The following TMCC1 variants were observed in gnomAD, a reference collection of about 807,000 sequenced individuals.
TMCC1 encodes transmembrane and coiled-coil domain family 1, also known as transmembrane and coiled-coil domains protein 1.
TMCC1 carries 15 observed loss-of-function variants against 52.4 expected under a neutral mutation model. The observed-to-expected ratio is 0.29, with a 90% confidence interval of 0.19 to 0.44. The LOEUF (loss-of-function observed/expected upper bound fraction) is 0.44, where lower values mean the gene tolerates loss of function less well. Ranked by LOEUF, TMCC1 falls within the 20% of genes least tolerant of loss-of-function variation. The pLI, the probability that TMCC1 is intolerant of heterozygous loss-of-function variation, is 1.00. For missense variants in TMCC1, 503 were observed against 806.0 expected, an observed-to-expected ratio of 0.62 and a Z score of 4.55; for synonymous variants, 279 against 301.9, an observed-to-expected ratio of 0.92 and a Z score of 0.79.
intron 4 of TMCC1, among the ~76,000 whole-genome samples, chr3:129,754,566 A>G (rs1475313351): frequency 2.0e-5 from 3 of 152,230 alleles, no homozygotes; most frequent in African/African-American, 7.2e-5. Context: ...CTTCACAAAT[A>G]TAGCCAACTG....
chr3:129,794,091 C>T (rs935591551), intron 4 of TMCC1, among the ~76,000 whole-genome samples: 6 of 152,204 alleles, frequency 3.9e-5, no homozygotes, highest in African/African-American at 1.4e-4. Flanking sequence ...CAACTTTGCC[C>T]AAATTCAGAT....
intron 4 of TMCC1, among the ~76,000 whole-genome samples, chr3:129,790,521 A>C (rs2056381213): frequency 1.3e-5 from 2 of 152,214 alleles, no homozygotes; most frequent in Non-Finnish European, 2.9e-5. Context: ...ATAATATTTT[A>C]CTGAGATAAT....
At chr3:129,887,322 T>C (rs2061754631) in intron 1 of TMCC1, among the ~76,000 whole-genome samples, 1 of 151,442 alleles carries the variant, frequency 6.6e-6, no homozygotes, top group Admixed American at 6.6e-5. Context: ...GGAGGGCGGA[T>C]CATGAGGTCA....
In TMCC1 at chr3:129,828,137, A is replaced by G. The variant is rs779705435; in HGVS notation, c.242T>C (p.Met81Thr). The G allele has an allele frequency of 3.1e-6, 5 of 1,614,014 alleles. No homozygotes were observed. The highest frequency in any genetic ancestry group is 4.2e-6 in the Non-Finnish European group (5 of 1,180,028). ...QQIQADPEPE[M>T]DLESQNACAE... Reference sequence around the variant, plus strand: ...ACATGCGTTCTGGCTTTCCAGATCCATTTCAGGTTCTGGATCTGCCTGAAT... The same window carrying G: ...ACATGCGTTCTGGCTTTCCAGATCCGTTTCAGGTTCTGGATCTGCCTGAAT... Residue 81 changes from methionine to threonine, a missense_variant, in exon 4 of 7, where the codon ATG becomes ACG. Met to Thr is a moderately conservative substitution (Grantham distance 81, BLOSUM62 -1). This residue lies in a region of TMCC1 where 217 missense variants were observed against 297.9 expected (regional missense o/e 0.73). Coordinates refer to ENST00000393238, the MANE Select transcript of TMCC1 (RefSeq NM_001017395.5). The surrounding 1 kb of genome is among the most constrained non-coding windows in gnomAD (Gnocchi z 4.1).
Position 129,782,875 on chromosome 3 carries a change from T to G in TMCC1, c.576+44928A>C, listed in dbSNP as rs72985370. ...TTCCATTTATCAGCAAAAGTACTAT[T>G]TCTGACAACTTTAATGGCAGAAGAT... On this transcript the variant is annotated intron_variant, in intron 4 of 6. Transcript: ENST00000393238. 2.4e-3 allele frequency among the ~76,000 whole-genome samples: 368 copies of G among 152,254 alleles called. 1 individual carries two copies. The highest frequency in any genetic ancestry group is 4.6e-3 in the Non-Finnish European group (312 of 68,018).
intron 4 of TMCC1, among the ~76,000 whole-genome samples, chr3:129,808,133 G>A (rs1036119644): frequency 4.6e-5 from 7 of 151,966 alleles, no homozygotes; most frequent in East Asian, 1.9e-4. Flanking sequence ...AGTGAGCTGC[G>A]ACTGTGCTAT....
chr3:129,747,787 T>TG (rs759173442), intron 4 of TMCC1, among the ~76,000 whole-genome samples: 17 of 152,144 alleles, frequency 1.1e-4, no homozygotes, highest in Admixed American at 2.0e-4. Flanking sequence ...GCTGTACAGC[T>TG]GCACAGACCC....
At chr3:129,761,323 G>T (rs1352725992) in intron 4 of TMCC1, among the ~76,000 whole-genome samples, 1 of 52,956 alleles carries the variant, frequency 1.9e-5, no homozygotes, top group South Asian at 1.1e-3. Flanking sequence ...GCGAGACTCC[G>T]TCTCAAAAAA....
intron 2 of TMCC1, among the ~76,000 whole-genome samples, chr3:129,873,499 T>C (rs1343623700): frequency 6.6e-6 from 1 of 151,540 alleles, no homozygotes; most frequent in East Asian, 1.9e-4. Context: ...CTGGGCAACA[T>C]AGCAAGACCC....
intron 2 of TMCC1, among the ~76,000 whole-genome samples, chr3:129,867,875 T>TA (rs2060726650): frequency 6.6e-6 from 1 of 152,216 alleles, no homozygotes; most frequent in African/African-American, 2.4e-5. Context: ...GTCACACAGA[T>TA]AGTTTGTGGC....
At chr3:129,861,876 T>C (rs62265590) in intron 2 of TMCC1, among the ~76,000 whole-genome samples, 12,432 of 152,278 alleles carry the variant, frequency 0.082, 677 homozygotes, top group East Asian at 0.17. Flanking sequence ...TAGGCATATA[T>C]GTATAGTTCA....
chr3:129,887,610 A>G (rs1251344966), intron 1 of TMCC1, among the ~76,000 whole-genome samples: 1 of 151,664 alleles, frequency 6.6e-6, no homozygotes, highest in Non-Finnish European at 1.5e-5. Context: ...TATCTCCTCC[A>G]CTCCTTAACA....
intron 2 of TMCC1, among the ~76,000 whole-genome samples, chr3:129,854,486 G>A (rs942164425): frequency 4.0e-5 from 6 of 151,654 alleles, no homozygotes; most frequent in Middle Eastern, 3.4e-3. Context: ...TTAGAAAAAC[G>A]GCAAAAACTT....
At chr3:129,759,085 C>T (rs1208378306) in intron 4 of TMCC1, among the ~76,000 whole-genome samples, 2 of 152,228 alleles carry the variant, frequency 1.3e-5, no homozygotes, top group Non-Finnish European at 2.9e-5. Flanking sequence ...TGGATGGCTT[C>T]CACCTGTCAG....
At chr3:129,730,471 G>A (rs1245131582) in intron 4 of TMCC1, among the ~76,000 whole-genome samples, 2 of 152,068 alleles carry the variant, frequency 1.3e-5, no homozygotes, top group Admixed American at 1.3e-4. Flanking sequence ...CAATATTTAC[G>A]TGGGTCTATT....
At chr3:129,729,540 T>C (rs2050379266) in intron 4 of TMCC1, among the ~76,000 whole-genome samples, 1 of 152,162 alleles carries the variant, frequency 6.6e-6, no homozygotes, top group African/African-American at 2.4e-5. Context: ...GAGATGAAAA[T>C]ATTGGCCAGG....
intron 1 of TMCC1, among the ~76,000 whole-genome samples, chr3:129,890,052 A>T (rs1396134480): frequency 1.3e-5 from 2 of 152,188 alleles, no homozygotes; most frequent in Non-Finnish European, 2.9e-5. Context: ...TTTGGAGGCC[A>T]AGGCAAGGGG....
chr3:129,710,866 T>C (rs2048622032), intron 4 of TMCC1, among the ~76,000 whole-genome samples: 1 of 152,142 alleles, frequency 6.6e-6, no homozygotes, highest in Non-Finnish European at 1.5e-5. Flanking sequence ...CCATGTTCCA[T>C]TTTATTTTAT....
intron 1 of TMCC1, among the ~76,000 whole-genome samples, chr3:129,886,850 TC>T (rs1246103291): frequency 6.6e-6 from 1 of 151,284 alleles, no homozygotes; most frequent in East Asian, 1.9e-4. Context: ...GGCAGGAGAA[TC>T]CCTGGAACCC....
Sources: allele counts gnomAD v4.1 joint callset (sites outside exome capture counted in the v4.1 genomes callset), GRCh38; gene constraint gnomAD v4.1.1; regional missense constraint gnomAD v4.1.1; non-coding constraint Gnocchi (gnomAD v3.1); transcripts MANE v1.5; gene names NCBI Gene and HGNC (gene_info 2026-07-23, HGNC 2026-07-21).